CNGA1: variants seen among roughly 807,000 people sequenced by gnomAD.
The protein encoded by CNGA1 is cyclic nucleotide-gated channel alpha-1.
CNGA1 carries 53 observed loss-of-function variants against 69.7 expected under a neutral mutation model. That is an observed-to-expected ratio of 0.76 (90% CI 0.61 to 0.96). The LOEUF is 0.96. CNGA1 is among the 40% of genes least tolerant of loss of function. CNGA1 has a pLI of 0.00. For synonymous variants in CNGA1, 249 were observed against 283.5 expected, an observed-to-expected ratio of 0.88 and a Z score of 1.22; for missense variants, 739 against 811.2, an observed-to-expected ratio of 0.91 and a Z score of 1.08.
chr4:48,007,171 T>C (rs1714956523), intron 2 of CNGA1, among the ~76,000 whole-genome samples: 1 of 152,164 alleles, frequency 6.6e-6, no homozygotes, highest in Non-Finnish European at 1.5e-5. Context: ...ATTTTATAAA[T>C]AATCTATAAA....
intron 3 of CNGA1, among the ~76,000 whole-genome samples, chr4:47,975,061 T>C (rs1455993467): frequency 6.6e-6 from 1 of 152,212 alleles, no homozygotes; most frequent in Admixed American, 6.5e-5. Context: ...TTATATGATC[T>C]CTAAGTTCAG....
At chr4:47,945,701 T>C (rs1739356742) in intron 6 of CNGA1, among the ~76,000 whole-genome samples, 1 of 152,240 alleles carries the variant, frequency 6.6e-6, no homozygotes, top group South Asian at 2.1e-4. Context: ...AAGTAGAATG[T>C]ATATAAGTTC....
chr4:47,962,240 A>G (rs1740485238), intron 3 of CNGA1, among the ~76,000 whole-genome samples: 1 of 151,746 alleles, frequency 6.6e-6, no homozygotes, highest in Non-Finnish European at 1.5e-5. Flanking sequence ...GCTACTCGGG[A>G]GGCTGAGACA....
chr4:48,001,620 T>C lies in CNGA1; in HGVS notation c.-123+9174A>G, dbSNP rs1171341597. 2.6e-5 allele frequency among the ~76,000 whole-genome samples: 4 copies of C among 152,358 alleles called. No homozygotes were observed. In the South Asian group the frequency reaches 6.2e-4, roughly 24 times the overall value. On this transcript the variant is annotated intron_variant, in intron 2 of 10. Transcript: ENST00000514170. ...GACATAATAATCCTACTTGTGTTTG[T>C]ATCTAATGACCAAGTTAAACAAATT...
intron 3 of CNGA1, among the ~76,000 whole-genome samples, chr4:47,957,892 ATTTTTTTT>A (rs544231975): frequency 8.2e-6 from 1 of 121,238 alleles, no homozygotes; most frequent in Non-Finnish European, 1.7e-5. Flanking sequence ...TGTGTTTGTA[ATTTTTTTT>A]TTTTTTTTTT....
chr4:47,986,170 G>A (rs557244924), intron 2 of CNGA1, among the ~76,000 whole-genome samples: 24 of 152,304 alleles, frequency 1.6e-4, no homozygotes, highest in African/African-American at 5.8e-4. Flanking sequence ...CACTTTGGGA[G>A]GCAGAGGTGG....
At chr4:48,004,778 T>C (rs886585738) in intron 2 of CNGA1, among the ~76,000 whole-genome samples, 1 of 152,112 alleles carries the variant, frequency 6.6e-6, no homozygotes, top group African/African-American at 2.4e-5. Flanking sequence ...GTTGTTGTTA[T>C]TTTCTTCTGA....
At chr4:47,973,469 A>T (rs2110201583) in intron 3 of CNGA1, among the ~76,000 whole-genome samples, 1 of 152,306 alleles carries the variant, frequency 6.6e-6, no homozygotes, top group South Asian at 2.1e-4. Context: ...GCCAAAGATT[A>T]TTCAACACGT....
chr4:47,959,708 A>G (rs1006031334), intron 3 of CNGA1, among the ~76,000 whole-genome samples: 1 of 152,100 alleles, frequency 6.6e-6, no homozygotes, highest in Admixed American at 6.6e-5. Context: ...CCTTAGTTCA[A>G]TTATCTTGCC....
intron 10 of CNGA1, among the ~76,000 whole-genome samples, chr4:47,939,552 A>G (rs1423838190): frequency 2.0e-5 from 3 of 152,228 alleles, no homozygotes; most frequent in Non-Finnish European, 4.4e-5. Flanking sequence ...ATAGCTGGTC[A>G]GTCAGAAGCA....
intron 2 of CNGA1, among the ~76,000 whole-genome samples, chr4:47,989,797 T>C (rs1394801758): frequency 1.3e-5 from 2 of 151,528 alleles, no homozygotes; most frequent in Non-Finnish European, 2.9e-5. Context: ...CCTCACCCCC[T>C]TCCCACCCTT....
intron 2 of CNGA1, among the ~76,000 whole-genome samples, chr4:48,002,698 A>C (rs1317350320): frequency 1.5e-4 from 21 of 139,618 alleles, no homozygotes; most frequent in African/African-American, 4.3e-4. Context: ...AAAAAAAAAA[A>C]ACAAAAACAA....
Position 47,937,061 on chromosome 4 carries a change from C to A in CNGA1, c.1421G>T (p.Arg474Leu), listed in dbSNP as rs759487836. The A allele has an allele frequency of 1.9e-6, 3 of 1,614,160 alleles. No individual in the cohort carries two copies. The highest frequency in any genetic ancestry group is 3.3e-5 in the Admixed American group (2 of 60,014). ...NVHLDTLKKVRIFADCEAGLL... is the reference protein window; with the variant it reads ...NVHLDTLKKVLIFADCEAGLL... ...ACCAGCTTCACAATCAGCAAAAATG[C>A]GTACCTTTTTTAATGTGTCTAAGTG... The change falls in exon 11 of 11, where the codon CGC (arginine) becomes CTC (leucine). Residue 474 changes from arginine (R) to leucine (L), a missense_variant. Arg to Leu is a moderately radical substitution (Grantham distance 102, BLOSUM62 -2). Transcript: ENST00000514170.
At chr4:47,965,003 GT>G (rs1252663041) in intron 3 of CNGA1, among the ~76,000 whole-genome samples, 2 of 151,844 alleles carry the variant, frequency 1.3e-5, no homozygotes, top group Admixed American at 6.6e-5. Context: ...ATTAATTTCT[GT>G]TTTTTCAATA....
chr4:47,941,961 G>A, intron 9 of CNGA1, 80 bp downstream of exon 9: 1 of 855,792 alleles, frequency 1.2e-6, no homozygotes. Context: ...AGGGCTCTAA[G>A]TCAAATTGTT....
chr4:48,014,911 G>A (rs1715310756), intron 1 of CNGA1, among the ~76,000 whole-genome samples: 1 of 152,160 alleles, frequency 6.6e-6, no homozygotes, highest in African/African-American at 2.4e-5. Flanking sequence ...GGTGGCTCAC[G>A]CCTGTAATCC....
At chr4:47,994,482 G>A (rs1304776459) in intron 2 of CNGA1, among the ~76,000 whole-genome samples, 3 of 151,770 alleles carry the variant, frequency 2.0e-5, no homozygotes, top group East Asian at 1.9e-4. Context: ...TTTATCTGAT[G>A]TAAGAATCCT....
At chr4:48,003,015 T>C (rs1277300598) in intron 2 of CNGA1, among the ~76,000 whole-genome samples, 3 of 152,216 alleles carry the variant, frequency 2.0e-5, no homozygotes, top group Non-Finnish European at 2.9e-5. Context: ...TCAGTTAATT[T>C]ACAAAATTTA....
intron 10 of CNGA1, among the ~76,000 whole-genome samples, chr4:47,940,356 T>C (rs897043507): frequency 6.6e-6 from 1 of 152,248 alleles, no homozygotes; most frequent in Non-Finnish European, 1.5e-5. Context: ...CTGAGTTATG[T>C]GCATTTTTCC....
Sources: allele counts gnomAD v4.1 joint callset (sites outside exome capture counted in the v4.1 genomes callset), GRCh38; gene constraint gnomAD v4.1.1; transcripts MANE v1.5; gene names NCBI Gene and HGNC (gene_info 2026-07-23, HGNC 2026-07-21).